Variants in PCSK6 observed in about 807,000 individuals in gnomAD.
PCSK6 encodes the protein proprotein convertase subtilisin/kexin type 6, also known as paired basic amino acid cleaving enzyme 4.
A neutral mutation model predicts 123.3 loss-of-function variants in PCSK6; 85 were observed. That is an observed-to-expected ratio of 0.69 (90% CI 0.58 to 0.83). PCSK6 has a LOEUF of 0.83. PCSK6 is among the 40% of genes least tolerant of loss of function. PCSK6 has a pLI of 0.00. For synonymous variants in PCSK6, 508 were observed against 516.0 expected, an observed-to-expected ratio of 0.98 and a Z score of 0.21; for missense variants, 1,191 against 1,282.3, an observed-to-expected ratio of 0.93 and a Z score of 1.09.
rs1047960353 is a variant in PCSK6, at chr15:101,408,575, G to T, written c.824-9999C>A. ...GCGATGCTCAGATCTAGCAGGCAGG[G>T]GCCTTGGATGTGTTGGGGGAGGTGA... is the stretch of plus-strand genomic sequence containing the variant. On this transcript the variant is annotated intron_variant, in intron 6 of 21. Coordinates refer to ENST00000611716, the MANE Select transcript of PCSK6 (RefSeq NM_002570.5). 2.6e-5 allele frequency among the ~76,000 whole-genome samples: 4 copies of T among 152,190 alleles called. No homozygotes were observed. In the South Asian group the frequency reaches 8.3e-4, roughly 31 times the overall value.
intron 1 of PCSK6, among the ~76,000 whole-genome samples, chr15:101,487,211 C>G (rs1213207999): frequency 2.0e-5 from 3 of 152,248 alleles, no homozygotes; most frequent in African/African-American, 7.2e-5. Context: ...AGTAATCACA[C>G]ACAAGCCTCT....
At chr15:101,392,410 A>C (rs1379996021) in intron 8 of PCSK6, among the ~76,000 whole-genome samples, 1 of 152,212 alleles carries the variant, frequency 6.6e-6, no homozygotes, top group Non-Finnish European at 1.5e-5. Flanking sequence ...TGTAAAAATA[A>C]ATTTGCAAAT....
intron 1 of PCSK6, among the ~76,000 whole-genome samples, chr15:101,466,749 G>A (rs1302345623): frequency 5.8e-5 from 3 of 51,452 alleles, no homozygotes; most frequent in African/African-American, 7.4e-5. Flanking sequence ...GATACAAAAA[G>A]ACCCTATTAT....
chr15:101,412,714 A>ATATATATATAT (rs1326677557), intron 6 of PCSK6, among the ~76,000 whole-genome samples: 1 of 113,846 alleles, frequency 8.8e-6, no homozygotes, highest in Non-Finnish European at 1.9e-5. Flanking sequence ...TATATATATA[A>ATATATATATAT]AATTACCCAA....
intron 1 of PCSK6, among the ~76,000 whole-genome samples, chr15:101,446,770 G>A (rs7173877): frequency 0.55 from 83,375 of 152,070 alleles, 24,669 homozygotes; most frequent in Non-Finnish European, 0.68. Flanking sequence ...GGGAAGTGGC[G>A]GTCCATACAC....
At chr15:101,401,281 GCC>G (rs1482555811) in intron 6 of PCSK6, among the ~76,000 whole-genome samples, 4 of 152,244 alleles carry the variant, frequency 2.6e-5, no homozygotes, top group Non-Finnish European at 5.9e-5. Flanking sequence ...CACGGGAAGA[GCC>G]ATCTCTTCAT....
intron 16 of PCSK6, 56 bp from the exon 17 acceptor site, chr15:101,325,102 G>A: frequency 7.5e-7 from 1 of 1,335,036 alleles, no homozygotes. Context: ...CCAGCCCCAG[G>A]CCTGCCCCTT....
intron 13 of PCSK6, among the ~76,000 whole-genome samples, chr15:101,340,744 C>T (rs1172039354): frequency 6.6e-6 from 1 of 152,182 alleles, no homozygotes; most frequent in Non-Finnish European, 1.5e-5. Flanking sequence ...CTATCTTCCA[C>T]ATACTCACAT....
rs2058130185 is a variant in PCSK6 at position 101,489,680 on chromosome 15, A to T, written c.-10T>A. ...GCGCGCGCGGAGGCATAGCGGCGAC[A>T]GGCTCGCGCGGCGCCCGAGCTGCGA... On this transcript the variant is annotated 5_prime_UTR_variant, in exon 1 of 22. Transcript: ENST00000611716. 8.2e-6 allele frequency: 8 copies of T among 970,734 alleles called. No individual in the cohort carries two copies. Among genetic ancestry groups the T allele is most frequent in the Non-Finnish European group, 9.7e-6 (8 of 821,460 alleles). The allele number at this position is 970,734 out of a possible 1,614,324, so 60.1% of individuals were successfully genotyped here.
In PCSK6 at chr15:101,367,655, G is replaced by C. The variant is rs1356753302; in HGVS notation, c.1722-1323C>G. ...GGCACATCAATGGCTTCTTAGTGAA[G>C]AACCTGGCAAACTGATAAAGCTGCT... is the stretch of plus-strand genomic sequence containing the variant. On this transcript the variant is annotated intron_variant, in intron 12 of 21. Coordinates refer to ENST00000611716, the MANE Select transcript of PCSK6 (RefSeq NM_002570.5). Among the ~76,000 whole-genome samples, 3 of 150,652 alleles carry C rather than the reference G, an allele frequency of 2.0e-5. No individual in the cohort carries two copies. In the East Asian group the frequency reaches 5.8e-4, roughly 29 times the overall value.
chr15:101,348,930 G>A (rs1417407745), intron 13 of PCSK6, among the ~76,000 whole-genome samples: 3 of 152,182 alleles, frequency 2.0e-5, no homozygotes, highest in Non-Finnish European at 1.5e-5. Context: ...TCTCACTCAA[G>A]TCGCCTGGAT....
intron 18 of PCSK6, among the ~76,000 whole-genome samples, chr15:101,319,437 C>T (rs144424109): frequency 7.0e-4 from 106 of 152,198 alleles, no homozygotes; most frequent in East Asian, 3.9e-3. Flanking sequence ...CGGTCTTTGT[C>T]CTGGCACACA....
At chr15:101,339,234 G>A (rs973036350) in intron 13 of PCSK6, among the ~76,000 whole-genome samples, 1 of 152,186 alleles carries the variant, frequency 6.6e-6, no homozygotes, top group South Asian at 2.1e-4. Context: ...TATAGGAGAA[G>A]TTATTAACAA....
At chr15:101,439,864 G>A (rs531812511) in intron 2 of PCSK6, among the ~76,000 whole-genome samples, 28 of 152,060 alleles carry the variant, frequency 1.8e-4, no homozygotes, top group Non-Finnish European at 3.7e-4. Flanking sequence ...AGCCTCCTAC[G>A]GCCCTAGAAG....
intron 6 of PCSK6, among the ~76,000 whole-genome samples, chr15:101,406,677 C>G (rs1449024345): frequency 6.6e-6 from 1 of 152,178 alleles, no homozygotes; most frequent in East Asian, 1.9e-4. Flanking sequence ...ACTATGCCCC[C>G]ACAGGACAGC....
chr15:101,362,439 T>C (rs1278490135), intron 13 of PCSK6, among the ~76,000 whole-genome samples: 1 of 152,062 alleles, frequency 6.6e-6, no homozygotes, highest in Admixed American at 6.5e-5. Context: ...AGGTGCTCAG[T>C]GTCACGGGGC....
intron 2 of PCSK6, among the ~76,000 whole-genome samples, chr15:101,441,785 C>T (rs2056760187): frequency 6.6e-6 from 1 of 152,288 alleles, no homozygotes; most frequent in Non-Finnish European, 1.5e-5. Flanking sequence ...TAACTATCCG[C>T]GTGGTGGCAA....
At chr15:101,352,137 ATTTTTTTTT>A (rs56844456) in intron 13 of PCSK6, among the ~76,000 whole-genome samples, 2 of 97,010 alleles carry the variant, frequency 2.1e-5, no homozygotes, top group African/African-American at 4.4e-5. Flanking sequence ...TATTTTTCTA[ATTTTTTTTT>A]TTTTTTTTTT....
At chr15:101,430,210 G>A in intron 4 of PCSK6, 147 bp from the exon 5 acceptor site, 1 of 664,684 alleles carries the variant, frequency 1.5e-6, no homozygotes, top group East Asian at 2.8e-5. Context: ...TTTTTATCGT[G>A]GTAAAATATA....
Sources: allele counts gnomAD v4.1 joint callset (sites outside exome capture counted in the v4.1 genomes callset), GRCh38; gene constraint gnomAD v4.1.1; transcripts MANE v1.5; gene names NCBI Gene and HGNC (gene_info 2026-07-23, HGNC 2026-07-21).